The following CTNNBL1 variants were observed in gnomAD, a reference collection of about 807,000 sequenced individuals.
CTNNBL1 encodes catenin beta like 1.
CTNNBL1 carries 31 observed loss-of-function variants against 72.7 expected under a neutral mutation model. The ratio of observed to expected loss-of-function variants is 0.43; its 90% CI spans 0.32 to 0.58. The LOEUF (loss-of-function observed/expected upper bound fraction) is 0.58, where lower values mean the gene tolerates loss of function less well. Ranked by LOEUF, CTNNBL1 falls within the 20% of genes least tolerant of loss-of-function variation. The pLI is 0.08. For missense variants in CTNNBL1, 534 were observed against 725.1 expected (o/e 0.74, Z 3.03); for synonymous variants, 240 against 267.3 (o/e 0.90, Z 1.00).
At position 37,809,576 on chromosome 20, in the gene CTNNBL1, G is replaced by A. The variant is rs143650560; in HGVS notation, c.1213+6528G>A. On this transcript the variant is annotated intron_variant, in intron 11 of 15. Coordinates refer to ENST00000361383, the MANE Select transcript of CTNNBL1 (RefSeq NM_030877.5). ...ACCCTTCCTCAGCTCCTGATCACAC[G>A]TGTCACACTCATTTCACAAAGTCAT... Among the ~76,000 whole-genome samples, 363 of 152,278 alleles carry A rather than the reference G, an allele frequency of 2.4e-3. 2 individuals carry two copies. The highest frequency in any genetic ancestry group is 7.7e-3 in the African/African-American group (318 of 41,552).
chr20:37,726,737 A>G (rs1391864665), intron 1 of CTNNBL1, among the ~76,000 whole-genome samples: 1 of 152,106 alleles, frequency 6.6e-6, no homozygotes, highest in Admixed American at 6.5e-5. Context: ...ATCTTTTTTC[A>G]TAAAAGTACC....
At position 37,705,781 on chromosome 20, in the gene CTNNBL1, G is replaced by A. The variant is rs111990838; in HGVS notation, c.30+11629G>A. ...TTTTTTTCCCCTTAGTGTCCCTAAA[G>A]GAAGTGGTTGGGTTTGGTCTGAGTC... On this transcript the variant is annotated intron_variant, in intron 1 of 15. Transcript: ENST00000361383. Among the ~76,000 whole-genome samples the A allele has an allele frequency of 4.5e-3, 688 of 152,292 alleles. 8 individuals carry two copies. Among genetic ancestry groups the A allele is most frequent in the East Asian group, 0.017 (89 of 5,190 alleles).
At chr20:37,827,854 G>A (rs947066663) in intron 11 of CTNNBL1, among the ~76,000 whole-genome samples, 1 of 152,146 alleles carries the variant, frequency 6.6e-6, no homozygotes, top group African/African-American at 2.4e-5. Flanking sequence ...AGACTCTGTA[G>A]TTGAGTGTGC....
In CTNNBL1 at chr20:37,755,894, G is replaced by A. The variant is rs980526033; in HGVS notation, c.467-1665G>A. 2.0e-5 allele frequency among the ~76,000 whole-genome samples: 3 copies of A among 152,190 alleles called. 1 individual carries two copies. The highest frequency in any genetic ancestry group is 6.8e-3 in the Middle Eastern group (2 of 294). ...GCCACCCCCGTCCCTCATGCTCACC[G>A]TGCTTTAGTGCGTCCTGCACACAGC... On this transcript the variant is annotated intron_variant, in intron 4 of 15. Transcript: ENST00000361383.
chr20:37,771,356 C>T (rs2122675548), intron 7 of CTNNBL1, among the ~76,000 whole-genome samples: 1 of 152,272 alleles, frequency 6.6e-6, no homozygotes, highest in South Asian at 2.1e-4. Context: ...ATCCACTTGT[C>T]TCAGGAAATG....
chr20:37,828,604 T>C (rs1305700633), intron 11 of CTNNBL1, among the ~76,000 whole-genome samples: 3 of 152,170 alleles, frequency 2.0e-5, no homozygotes, highest in African/African-American at 7.2e-5. Context: ...TGAGATAACA[T>C]GTGTAAAGCA....
intron 7 of CTNNBL1, among the ~76,000 whole-genome samples, chr20:37,774,478 T>A (rs2073556476): frequency 6.6e-6 from 1 of 152,228 alleles, no homozygotes; most frequent in Admixed American, 6.5e-5. Context: ...ATCATTTTGG[T>A]TTCCTGATTA....
At chr20:37,828,237 G>A (rs920560367) in intron 11 of CTNNBL1, among the ~76,000 whole-genome samples, 17 of 152,166 alleles carry the variant, frequency 1.1e-4, no homozygotes, top group African/African-American at 3.6e-4. Context: ...CCTGTAACAG[G>A]ATAGTTTCAG....
At chr20:37,867,834 G>A (rs1237613918) in intron 15 of CTNNBL1, among the ~76,000 whole-genome samples, 5 of 152,170 alleles carry the variant, frequency 3.3e-5, no homozygotes, top group African/African-American at 1.2e-4. Context: ...ACCAAGATTT[G>A]CTCTAAATAG....
At chr20:37,803,199 A>G (rs1375002914) in intron 11 of CTNNBL1, 151 bp downstream of exon 11, 1 of 694,828 alleles carries the variant, frequency 1.4e-6, no homozygotes, top group Non-Finnish European at 2.3e-6. Flanking sequence ...ATGAATGAAA[A>G]AGAGACCCCA....
intron 15 of CTNNBL1, among the ~76,000 whole-genome samples, chr20:37,865,289 A>C (rs2072527612): frequency 6.6e-6 from 1 of 152,234 alleles, no homozygotes; most frequent in South Asian, 2.1e-4. Flanking sequence ...GCTGGGATGC[A>C]GAGGTACAAG....
At chr20:37,863,245 AT>A (rs2072507302) in intron 15 of CTNNBL1, among the ~76,000 whole-genome samples, 1 of 152,136 alleles carries the variant, frequency 6.6e-6, no homozygotes, top group South Asian at 2.1e-4. Flanking sequence ...TAGAGTATAA[AT>A]GATTGACCAT....
At chr20:37,738,959 C>T (rs1266738501) in intron 3 of CTNNBL1, among the ~76,000 whole-genome samples, 2 of 152,124 alleles carry the variant, frequency 1.3e-5, no homozygotes, top group Non-Finnish European at 2.9e-5. Context: ...AATGTGGTTA[C>T]TGGGCCTAGG....
At chr20:37,870,389 C>T (rs1057140811) in intron 15 of CTNNBL1, among the ~76,000 whole-genome samples, 1 of 152,074 alleles carries the variant, frequency 6.6e-6, no homozygotes, top group Non-Finnish European at 1.5e-5. Context: ...CCCGACAGCC[C>T]CTCCCTGTTG....
chr20:37,826,329 G>A (rs1336885380), intron 11 of CTNNBL1, among the ~76,000 whole-genome samples: 1 of 152,218 alleles, frequency 6.6e-6, no homozygotes, highest in Non-Finnish European at 1.5e-5. Context: ...GGAATACCAT[G>A]GGAACAGTGA....
chr20:37,709,935 GCTT>G (rs922967376), intron 1 of CTNNBL1, among the ~76,000 whole-genome samples: 18 of 152,316 alleles, frequency 1.2e-4, no homozygotes, highest in African/African-American at 4.3e-4. Flanking sequence ...ATCTATTCCA[GCTT>G]CTTCTTTGTA....
chr20:37,781,867 C>G (rs2073628828), intron 10 of CTNNBL1, among the ~76,000 whole-genome samples: 1 of 152,126 alleles, frequency 6.6e-6, no homozygotes, highest in Non-Finnish European at 1.5e-5. Context: ...GAAATGCCCA[C>G]ATGGAGAGGT....
At chr20:37,865,386 C>G (rs1401777885) in intron 15 of CTNNBL1, among the ~76,000 whole-genome samples, 1 of 152,222 alleles carries the variant, frequency 6.6e-6, no homozygotes, top group Non-Finnish European at 1.5e-5. Context: ...GTACGGAAGG[C>G]ATGGCTTCTT....
intron 1 of CTNNBL1, among the ~76,000 whole-genome samples, chr20:37,731,730 G>C (rs2073130564): frequency 1.3e-5 from 2 of 152,070 alleles, no homozygotes; most frequent in African/African-American, 4.8e-5. Flanking sequence ...GTTTATCCAG[G>C]TTGTCTCAAA....
Sources: allele counts gnomAD v4.1 joint callset (sites outside exome capture counted in the v4.1 genomes callset), GRCh38; gene constraint gnomAD v4.1.1; transcripts MANE v1.5; gene names NCBI Gene and HGNC (gene_info 2026-07-23, HGNC 2026-07-21).